UBE2N: variants seen among roughly 807,000 people sequenced by gnomAD.
UBE2N encodes ubiquitin-conjugating enzyme E2 N.
For synonymous variants in UBE2N, 70 were observed against 69.2 expected, an observed-to-expected ratio of 1.01 and a Z score of -0.06; for missense variants, 60 against 192.1, an observed-to-expected ratio of 0.31 and a Z score of 4.07.
chr12:93,440,832 G>C (rs963284683), intron 1 of UBE2N, among the ~76,000 whole-genome samples: 3 of 152,166 alleles, frequency 2.0e-5, no homozygotes, highest in Non-Finnish European at 4.4e-5. Context: ...CAAAATCAAA[G>C]AATCGAAAAT....
intron 1 of UBE2N, among the ~76,000 whole-genome samples, chr12:93,413,601 C>T (rs1878102206): frequency 1.3e-5 from 2 of 152,162 alleles, no homozygotes; most frequent in Non-Finnish European, 2.9e-5. Context: ...GTCTTCCCCA[C>T]ATCAGTTACT....
chr12:93,416,110 A>C (rs2121063749), intron 1 of UBE2N, among the ~76,000 whole-genome samples: 1 of 152,358 alleles, frequency 6.6e-6, no homozygotes, highest in Non-Finnish European at 1.5e-5. Flanking sequence ...ATGGACTGAC[A>C]CAAAAACATG....
chr12:93,426,021 T>C (rs1053103973), intron 1 of UBE2N, among the ~76,000 whole-genome samples: 2 of 152,230 alleles, frequency 1.3e-5, no homozygotes, highest in East Asian at 3.8e-4. Flanking sequence ...GGGACTTTAA[T>C]ATTTCACAGA....
chr12:93,428,731 T>C (rs148561455), intron 1 of UBE2N, among the ~76,000 whole-genome samples: 1 of 152,328 alleles, frequency 6.6e-6, no homozygotes, highest in African/African-American at 2.4e-5. Flanking sequence ...TGTATAACCA[T>C]GAACTAAGTA....
intron 1 of UBE2N, among the ~76,000 whole-genome samples, chr12:93,431,697 T>C (rs1223120972): frequency 6.6e-6 from 1 of 152,246 alleles, no homozygotes; most frequent in Non-Finnish European, 1.5e-5. Flanking sequence ...ATGAATTTCA[T>C]AATTAGAAAC....
intron 3 of UBE2N, 185 bp downstream of exon 3, chr12:93,410,549 T>C: frequency 1.3e-6 from 1 of 786,642 alleles, no homozygotes; most frequent in Non-Finnish European, 2.0e-6. Flanking sequence ...TTACAGGTTG[T>C]CTTTATATTT....
At chr12:93,431,582 T>C (rs1308916001) in intron 1 of UBE2N, among the ~76,000 whole-genome samples, 1 of 152,226 alleles carries the variant, frequency 6.6e-6, no homozygotes, top group Non-Finnish European at 1.5e-5. Context: ...TGGTACACGA[T>C]GCCAATGAAA....
At chr12:93,412,348 A>T (rs2121057123) in intron 1 of UBE2N, among the ~76,000 whole-genome samples, 1 of 152,270 alleles carries the variant, frequency 6.6e-6, no homozygotes, top group Non-Finnish European at 1.5e-5. Context: ...TAGCATTTGG[A>T]CATTTCCCTG....
intron 1 of UBE2N, among the ~76,000 whole-genome samples, chr12:93,421,917 C>T (rs2121074379): frequency 6.6e-6 from 1 of 152,250 alleles, no homozygotes; most frequent in Non-Finnish European, 1.5e-5. Flanking sequence ...TTCTTGGCAT[C>T]CAGCAGTTTA....
At chr12:93,440,624 A>G (rs1020352945) in intron 1 of UBE2N, among the ~76,000 whole-genome samples, 6 of 152,220 alleles carry the variant, frequency 3.9e-5, no homozygotes, top group Admixed American at 1.3e-4. Context: ...AGAATGAGCA[A>G]GATTAACATA....
At chr12:93,412,398 T>C (rs895535003) in intron 1 of UBE2N, among the ~76,000 whole-genome samples, 5 of 152,334 alleles carry the variant, frequency 3.3e-5, no homozygotes, top group Middle Eastern at 6.8e-3. Context: ...CCTGTATAGA[T>C]GAAATGTCAC....
intron 1 of UBE2N, among the ~76,000 whole-genome samples, chr12:93,419,282 C>T (rs1432237100): frequency 1.3e-5 from 2 of 151,720 alleles, no homozygotes; most frequent in African/African-American, 2.4e-5. Context: ...CCCAGCTACT[C>T]GGGAGGCTGA....
chr12:93,410,005 G>A lies in UBE2N; in HGVS notation c.*34C>T, dbSNP rs1311489773. The A allele has an allele frequency of 1.9e-6, 3 of 1,606,860 alleles. No homozygotes were observed. In the African/African-American group the frequency reaches 4.0e-5, roughly 22 times the overall value. On this transcript the variant is annotated 3_prime_UTR_variant, in exon 4 of 4. Coordinates refer to ENST00000318066, the MANE Select transcript of UBE2N (RefSeq NM_003348.4). ...AAGAGGAGGAAGTCTTGGCAGAACA[G>A]GAGAAGTGATGCACACTTGATGATC...
At position 93,410,883 on chromosome 12, in the gene UBE2N, G is replaced by A. The variant is rs760322019; in HGVS notation, c.278-9C>T. The A allele has an allele frequency of 1.2e-6, 2 of 1,614,052 alleles. No homozygotes were observed. Among genetic ancestry groups the A allele is most frequent in the South Asian group, 2.2e-5 (2 of 91,072 alleles). ...TGCTGGGGACCACTTATCTATGAAG[G>A]CAACAGGCCCAGTATGATAAAGCAT... On this transcript the variant is annotated splice_polypyrimidine_tract_variant and intron_variant, in intron 2 of 3. Transcript: ENST00000318066.
At position 93,410,099 on chromosome 12, in the gene UBE2N, T is replaced by C. The variant is rs1877989453; in HGVS notation, c.419-20A>G. On this transcript the variant is annotated intron_variant, in intron 3 of 3. Transcript: ENST00000318066. ...CTCTAGCTGTAGACAGAAACAAACA[T>C]ACGATTATTATTTTACTTAGTTCAA... 6.2e-7 allele frequency: 1 copy of C among 1,610,726 alleles called. No homozygotes were observed. The highest frequency in any genetic ancestry group is 8.5e-7 in the Non-Finnish European group (1 of 1,178,044).
intron 1 of UBE2N, among the ~76,000 whole-genome samples, chr12:93,436,426 C>T (rs749315231): frequency 7.2e-5 from 11 of 152,144 alleles, no homozygotes; most frequent in Non-Finnish European, 1.0e-4. Flanking sequence ...TCTGAAAAGA[C>T]CATTAAAGGA....
At chr12:93,419,959 G>A (rs564914299) in intron 1 of UBE2N, among the ~76,000 whole-genome samples, 2 of 152,276 alleles carry the variant, frequency 1.3e-5, no homozygotes, top group South Asian at 4.1e-4. Context: ...AGCTAACTGG[G>A]TCCATGAGAA....
At chr12:93,421,374 T>C (rs1298633439) in intron 1 of UBE2N, among the ~76,000 whole-genome samples, 1 of 152,130 alleles carries the variant, frequency 6.6e-6, no homozygotes, top group African/African-American at 2.4e-5. Context: ...GCTAAATTTT[T>C]TGTATTTTTA....
chr12:93,410,232 G>A lies in UBE2N; in HGVS notation c.419-153C>T, dbSNP rs1240363050. ...TTTTTCTATAAATTGGATCAGGGCT[G>A]AAAGATTTTGTAAATGTCCAATTAC... On this transcript the variant is annotated intron_variant, in intron 3 of 3. Transcript: ENST00000318066. 3 of 663,810 alleles carry A rather than the reference G, an allele frequency of 4.5e-6. No individual in the cohort carries two copies. In the African/African-American group the frequency reaches 5.7e-5, roughly 13 times the overall value. 41.1% of individuals were successfully genotyped at this position (663,810 alleles called of 1,614,324 possible).
Sources: gnomAD v4.1 joint callset for allele counts (sites outside exome capture counted in the v4.1 genomes callset) on GRCh38, gnomAD v4.1.1 for gene constraint, MANE v1.5 for transcripts, NCBI Gene and HGNC (gene_info 2026-07-23, HGNC 2026-07-21) for gene names.